GPC1: variants seen among roughly 807,000 people sequenced by gnomAD.
GPC1 encodes the protein glypican 1.
Under a neutral mutation model 51.5 loss-of-function variants are expected in GPC1, and 26 were observed. That is an observed-to-expected ratio of 0.50 (90% CI 0.37 to 0.70). GPC1 has a LOEUF of 0.70. GPC1 is among the 30% of genes least tolerant of loss of function. The pLI, the probability that GPC1 is intolerant of heterozygous loss-of-function variation, is 0.00. For synonymous variants in GPC1, 380 were observed against 348.3 expected (o/e 1.09, Z -1.01); for missense variants, 775 against 800.5 (o/e 0.97, Z 0.38).
intron 2 of GPC1, among the ~76,000 whole-genome samples, chr2:240,459,407 G>A (rs1345602013): frequency 1.3e-5 from 2 of 152,192 alleles, no homozygotes; most frequent in Non-Finnish European, 2.9e-5. Flanking sequence ...ACCCCCCTGG[G>A]AGTGTGCACA....
chr2:240,439,963 G>A (rs1201215688), intron 1 of GPC1, among the ~76,000 whole-genome samples: 1 of 152,212 alleles, frequency 6.6e-6, no homozygotes, highest in Non-Finnish European at 1.5e-5. Flanking sequence ...GGACCGCCAA[G>A]CCTCCCATGC....
chr2:240,435,891 G>C lies in GPC1; in HGVS notation c.-28G>C, dbSNP rs1244197464. 1 of 1,217,986 alleles carries C rather than the reference G, an allele frequency of 8.2e-7. No homozygotes were observed. The highest frequency in any genetic ancestry group is 1.6e-5 in the African/African-American group (1 of 63,404). The allele number at this position is 1,217,986 out of a possible 1,614,324, so 75.4% of individuals were successfully genotyped here. A position where few individuals can be genotyped will look rare whatever the true frequency, so the allele number is the denominator to read the frequency against. On this transcript the variant is annotated 5_prime_UTR_variant, in exon 1 of 9. Transcript: ENST00000264039. ...CCAGGATCCGAGAGAGGCGCGGGCG[G>C]GTGGCCGGGGGCGCCGCCGGCCCCG...
chr2:240,462,668 C>G lies in GPC1; in HGVS notation c.717+86C>G, dbSNP rs981093382. 6.3e-6 allele frequency: 8 copies of G among 1,278,318 alleles called. No individual in the cohort carries two copies. In the African/African-American group the frequency reaches 1.2e-4, roughly 19 times the overall value. The allele number at this position is 1,278,318 out of a possible 1,614,324, so 79.2% of individuals were successfully genotyped here. On this transcript the variant is annotated intron_variant, in intron 3 of 8. Transcript: ENST00000264039. Reference sequence around the variant, plus strand: ...GACTTCCTCTTCCCCCTACTTTAACCCTGTGCCCCTGGGCCTCTGGGCCAG... The same window carrying G: ...GACTTCCTCTTCCCCCTACTTTAACGCTGTGCCCCTGGGCCTCTGGGCCAG...
chr2:240,447,613 C>T (rs1448596386), intron 1 of GPC1, among the ~76,000 whole-genome samples: 2 of 152,210 alleles, frequency 1.3e-5, no homozygotes, highest in Admixed American at 1.3e-4. Context: ...GTCGTCTTAG[C>T]AAAGGGGCGG....
At chr2:240,450,344 A>G in intron 1 of GPC1, 1 of 339,574 alleles carries the variant, frequency 2.9e-6, no homozygotes. Context: ...CAGCTCAGGA[A>G]TTCCCCTGGG....
Position 240,455,976 on chromosome 2 carries a change from C to T in GPC1, c.167-3054C>T, listed in dbSNP as rs369925154. ...GGCTCCCAGGCCTTCGCCCGCCTTG[C>T]GTCCAGCCTGCCGGGGGCTCCCAGG... On this transcript the variant is annotated intron_variant, in intron 1 of 8. Transcript: ENST00000264039. 7.1e-5 allele frequency: 30 copies of T among 423,522 alleles called. 1 individual carries two copies. Among genetic ancestry groups the T allele is most frequent in the South Asian group, 3.5e-4 (21 of 59,968 alleles). 26.2% of individuals were successfully genotyped at this position (423,522 alleles called of 1,614,324 possible).
At chr2:240,439,875 C>T (rs766067149) in intron 1 of GPC1, among the ~76,000 whole-genome samples, 4 of 152,206 alleles carry the variant, frequency 2.6e-5, no homozygotes, top group African/African-American at 4.8e-5. Context: ...TCATCCCCAG[C>T]GTGAGGACCG....
At chr2:240,461,487 G>A (rs1168285736) in intron 2 of GPC1, among the ~76,000 whole-genome samples, 1 of 152,128 alleles carries the variant, frequency 6.6e-6, no homozygotes, top group Non-Finnish European at 1.5e-5. Flanking sequence ...GGGGTACGGG[G>A]GCTTTTCCCT....
chr2:240,450,557 C>T (rs755329647), intron 1 of GPC1: 3 of 469,348 alleles, frequency 6.4e-6, no homozygotes, highest in South Asian at 3.1e-5. Flanking sequence ...CCATAGTGAG[C>T]TCTGCATCTT....
intron 3 of GPC1, 70 bp downstream of exon 3, chr2:240,462,652 T>G: frequency 7.3e-7 from 1 of 1,371,126 alleles, no homozygotes; most frequent in South Asian, 1.4e-5. Flanking sequence ...GGACTTCCTC[T>G]TCCCCCTACT....
At chr2:240,453,718 C>G (rs1432848488) in intron 1 of GPC1, among the ~76,000 whole-genome samples, 1 of 151,370 alleles carries the variant, frequency 6.6e-6, no homozygotes, top group Admixed American at 6.6e-5. Context: ...GGCGCTGCTG[C>G]GTGTCCAGAC....
chr2:240,449,741 C>T, intron 1 of GPC1: 2 of 435,578 alleles, frequency 4.6e-6, no homozygotes, highest in African/African-American at 2.0e-5. Flanking sequence ...TGGTGCCCGC[C>T]ATCCTTTCAG....
intron 1 of GPC1, among the ~76,000 whole-genome samples, chr2:240,453,764 C>T (rs1284046127): frequency 6.6e-6 from 1 of 151,836 alleles, no homozygotes; most frequent in African/African-American, 2.4e-5. Context: ...GGTTTGCCGT[C>T]TTCGTCCCTG....
intron 1 of GPC1, among the ~76,000 whole-genome samples, chr2:240,440,051 G>A (rs892732962): frequency 1.3e-5 from 2 of 152,236 alleles, no homozygotes; most frequent in Non-Finnish European, 2.9e-5. Context: ...CCTTTTCACA[G>A]GAGAGAAAGG....
At chr2:240,458,812 T>C in intron 1 of GPC1, 1 of 555,698 alleles carries the variant, frequency 1.8e-6, no homozygotes, top group Middle Eastern at 4.8e-4. Flanking sequence ...GCCGTGCTCT[T>C]GTGTCACGTG....
At chr2:240,462,954 C>T (rs969978471) in intron 3 of GPC1, among the ~76,000 whole-genome samples, 3 of 152,170 alleles carry the variant, frequency 2.0e-5, no homozygotes, top group Admixed American at 2.0e-4. Flanking sequence ...GCCCCAGAGC[C>T]TCGCAGGCCA....
Position 240,462,501 on chromosome 2 carries a change from G to A in GPC1, c.636G>A (p.Arg212=). Residue 212 remains arginine (R), a synonymous_variant, in exon 3 of 9, where the codon CGG becomes CGA. Transcript: ENST00000264039. ...AGGCCCCGAGAGAGCTGCGCCTGCG[G>A]GCCACCCGTGCCTTCGTGGCTGCTC... The part of the protein sequence containing the change: ...FGEAPRELRL[R]ATRAFVAARS... 6.3e-7 allele frequency: 1 copy of A among 1,594,500 alleles called. No individual in the cohort carries two copies. The highest frequency in any genetic ancestry group is 8.5e-7 in the Non-Finnish European group (1 of 1,171,828).
chr2:240,457,981 C>G, intron 1 of GPC1: 1 of 464,912 alleles, frequency 2.2e-6, no homozygotes, highest in Non-Finnish European at 4.5e-6. Flanking sequence ...CTGACCTAGG[C>G]CAGCACCAGG....
In GPC1 at chr2:240,465,668, G is replaced by A. The variant is rs375944964; in HGVS notation, c.1444+20G>A. 21 of 1,608,062 alleles carry A rather than the reference G, an allele frequency of 1.3e-5. 1 individual carries two copies. Among genetic ancestry groups the A allele is most frequent in the East Asian group, 1.1e-4 (5 of 44,794 alleles). ...ACGCCAGTGAGGGCAGGGCCTGGCC[G>A]GGCGGCCAAGGGGCCAGGGTTGGTG... On this transcript the variant is annotated intron_variant, in intron 8 of 8. Transcript: ENST00000264039.
Sources: allele counts gnomAD v4.1 joint callset (sites outside exome capture counted in the v4.1 genomes callset), GRCh38; gene constraint gnomAD v4.1.1; transcripts MANE v1.5; gene names NCBI Gene and HGNC (gene_info 2026-07-23, HGNC 2026-07-21).